The following COIL variants were observed in gnomAD, a reference collection of about 807,000 sequenced individuals.
COIL encodes the protein coilin p80.
Under a neutral mutation model 51.6 loss-of-function variants are expected in COIL, and 28 were observed. The observed-to-expected ratio is 0.54, with a 90% CI of 0.40 to 0.74. The LOEUF (loss-of-function observed/expected upper bound fraction) is 0.74. Among genes scored for constraint, COIL ranks in the 30% least tolerant of loss-of-function variants. The probability of loss-of-function intolerance (pLI) is 0.00; values close to 1 mark genes in which losing one functional copy is unlikely to be tolerated. For missense variants in COIL, 667 were observed against 685.9 expected (o/e 0.97, Z 0.31); for synonymous variants, 233 against 255.8 (o/e 0.91, Z 0.85).
In COIL at chr17:56,942,067, C is replaced by T. The variant is rs1910159654; in HGVS notation, c.1615G>A (p.Val539Ile). 1.2e-6 allele frequency: 2 copies of T among 1,614,070 alleles called. No individual in the cohort carries two copies. The highest frequency in any genetic ancestry group is 2.2e-5 in the East Asian group (1 of 44,890). Residue 539 changes from valine to isoleucine, a missense_variant, in exon 6 of 7, where the codon GTA becomes ATA. Val to Ile is a conservative substitution (Grantham distance 29). Coordinates refer to ENST00000240316, the MANE Select transcript of COIL (RefSeq NM_004645.3). ...LVYHNENGAEVVEYAVTQESK... is the reference protein window; with the variant it reads ...LVYHNENGAEIVEYAVTQESK... ...TCCTGTGTCACAGCGTACTCCACTA[C>T]CTCGGCTCCATTTTCATTGTGATAA...
intron 5 of COIL, among the ~76,000 whole-genome samples, chr17:56,943,379 G>A (rs1234028537): frequency 6.6e-6 from 1 of 152,200 alleles, no homozygotes; most frequent in Non-Finnish European, 1.5e-5. Context: ...CACTGGCAGT[G>A]TCAACATTCC....
rs759947538 is a variant in COIL at position 56,960,961 on chromosome 17, G to T, written c.59C>A (p.Thr20Asn). The part of the protein sequence containing the change: ...RLQFDYPPPA[T>N]PHCTAFWLLV... ...AAGCCAGAAGGCCGTACAGTGCGGG[G>T]TAGCTGGCGGCGGGTAATCAAATTG... Residue 20 changes from threonine (T) to asparagine (N), a missense_variant, in exon 1 of 7, where the codon ACC (threonine) becomes AAC (asparagine). By Grantham distance (65) the Thr-to-Asn change is moderately conservative. Transcript: ENST00000240316. The T allele has an allele frequency of 8.1e-6, 13 of 1,614,078 alleles. No individual in the cohort carries two copies. Among genetic ancestry groups the T allele is most frequent in the Admixed American group, 1.7e-5 (1 of 60,016 alleles).
chr17:56,943,130 G>T (rs1910179316), intron 5 of COIL, among the ~76,000 whole-genome samples: 1 of 152,082 alleles, frequency 6.6e-6, no homozygotes, highest in South Asian at 2.1e-4. Context: ...TTGTGTTCTT[G>T]CCCTGTAACT....
intron 1 of COIL, among the ~76,000 whole-genome samples, chr17:56,955,058 A>C (rs1397009710): frequency 1.3e-5 from 2 of 152,220 alleles, no homozygotes; most frequent in East Asian, 3.9e-4. Flanking sequence ...GATTCCAAAA[A>C]ACAGATCCCC....
chr17:56,950,921 T>C lies in COIL; in HGVS notation c.321A>G (p.Arg107=). 1.9e-6 allele frequency: 3 copies of C among 1,613,624 alleles called. No homozygotes were observed. Among genetic ancestry groups the C allele is most frequent in the Non-Finnish European group, 2.5e-6 (3 of 1,180,008 alleles). The part of the protein sequence containing the change: ...ISNGDINLSL[R]KAKKRAFQLE... ...ACTGAAATGCCCGCTTCTTTGCTTTTCTAAGAGATAAATTAATGTCACCAT... is the reference window on the plus strand; with the variant it reads ...ACTGAAATGCCCGCTTCTTTGCTTTCCTAAGAGATAAATTAATGTCACCAT... The change falls in exon 2 of 7, where the codon AGA becomes AGG. Residue 107 remains arginine (R), a synonymous_variant. Coordinates refer to ENST00000240316, the MANE Select transcript of COIL (RefSeq NM_004645.3).
At position 56,939,004 on chromosome 17, in the gene COIL, A is replaced by G; in HGVS notation, c.*67T>C. On this transcript the variant is annotated 3_prime_UTR_variant, in exon 7 of 7. Transcript: ENST00000240316. ...TTCCAAATCCTCTTTAAAAAAAAAA[A>G]AAAGTTTGGGTTATAGTCACTTTCA... 4.4e-6 allele frequency: 4 copies of G among 903,000 alleles called. No individual in the cohort carries two copies. In the South Asian group the frequency reaches 4.7e-5, roughly 11 times the overall value. The allele number at this position is 903,000 out of a possible 1,614,324, so 55.9% of individuals were successfully genotyped here.
At chr17:56,957,809 G>A (rs553101404) in intron 1 of COIL, among the ~76,000 whole-genome samples, 1 of 152,252 alleles carries the variant, frequency 6.6e-6, no homozygotes, top group Admixed American at 6.5e-5. Context: ...CAAGCCAATA[G>A]AAGCACCTCC....
rs1183967430 is a variant in COIL, at chr17:56,955,191, A to T, written c.246-4195T>A. ...GCGATTCTCCTGCCTCAGCCTCCCA[A>T]GTAGCTGGGATTCCAGGTGCCTGCC... is the stretch of plus-strand genomic sequence containing the variant. On this transcript the variant is annotated intron_variant, in intron 1 of 6. Coordinates refer to ENST00000240316, the MANE Select transcript of COIL (RefSeq NM_004645.3). Among the ~76,000 whole-genome samples the T allele has an allele frequency of 2.6e-5, 4 of 152,216 alleles. No homozygotes were observed. In the East Asian group the frequency reaches 7.7e-4, roughly 29 times the overall value.
At chr17:56,960,154 G>T (rs1242405936) in intron 1 of COIL, among the ~76,000 whole-genome samples, 1 of 151,906 alleles carries the variant, frequency 6.6e-6, no homozygotes, top group Non-Finnish European at 1.5e-5. Flanking sequence ...AACCCGGGAG[G>T]TGGAGGCTGC....
At chr17:56,951,609 C>A (rs1910371602) in intron 1 of COIL, 1 of 152,644 alleles carries the variant, frequency 6.6e-6, no homozygotes, top group Non-Finnish European at 1.5e-5. Context: ...TTTGTCCGGG[C>A]TATTGGACGT....
chr17:56,953,377 C>T (rs568977156), intron 1 of COIL, among the ~76,000 whole-genome samples: 30 of 144,068 alleles, frequency 2.1e-4, no homozygotes, highest in Non-Finnish European at 4.5e-4. Flanking sequence ...CACCACTGTA[C>T]TCCAGCCTGG....
intron 5 of COIL, among the ~76,000 whole-genome samples, chr17:56,945,690 C>T (rs1490444014): frequency 6.6e-6 from 1 of 152,058 alleles, no homozygotes; most frequent in Non-Finnish European, 1.5e-5. Flanking sequence ...GTATTGTCTG[C>T]AATTTCCACA....
intron 6 of COIL, among the ~76,000 whole-genome samples, chr17:56,941,756 T>C (rs183722162): frequency 3.5e-4 from 54 of 152,340 alleles, no homozygotes; most frequent in African/African-American, 1.2e-3. Context: ...TGTATGCCAA[T>C]AAAGTTTCTA....
chr17:56,938,913 T>C lies in COIL; in HGVS notation c.*158A>G, dbSNP rs1910092536. On this transcript the variant is annotated 3_prime_UTR_variant, in exon 7 of 7. Coordinates refer to ENST00000240316, the MANE Select transcript of COIL (RefSeq NM_004645.3). ...ATCTACAAAACCGACACCCATGTCATTTTAAATGATGAGGTAGATTGTTTC... is the reference window on the plus strand; with the variant it reads ...ATCTACAAAACCGACACCCATGTCACTTTAAATGATGAGGTAGATTGTTTC... 4 of 476,116 alleles carry C rather than the reference T, an allele frequency of 8.4e-6. No individual in the cohort carries two copies. Among genetic ancestry groups the C allele is most frequent in the Non-Finnish European group, 1.5e-5 (4 of 269,318 alleles). The allele number at this position is 476,116 out of a possible 1,614,324, so 29.5% of individuals were successfully genotyped here.
Position 56,950,356 on chromosome 17 carries a change from T to C in COIL, c.886A>G (p.Ile296Val), listed in dbSNP as rs751059809. The C allele has an allele frequency of 3.1e-6, 5 of 1,614,134 alleles. No individual in the cohort carries two copies. The highest frequency in any genetic ancestry group is 3.3e-5 in the Admixed American group (2 of 60,012). ...TKNTTADKLA[I>V]KLGFSLTPSK... ...GGGGTAAGGCTAAAGCCAAGTTTTA[T>C]AGCCAGTTTGTCTGCAGTTGTATTT... Residue 296 changes from isoleucine (I) to valine (V), a missense_variant, in exon 2 of 7, where the codon ATA (isoleucine) becomes GTA (valine). Ile to Val is a conservative substitution (Grantham distance 29). Coordinates refer to ENST00000240316, the MANE Select transcript of COIL (RefSeq NM_004645.3).
In COIL at chr17:56,950,334, GT is replaced by G; in HGVS notation, c.907del (p.Thr303ProfsTer26). On this transcript the variant is annotated frameshift_variant, in exon 2 of 7. Coordinates refer to ENST00000240316, the MANE Select transcript of COIL (RefSeq NM_004645.3). LOFTEE classifies it high-confidence loss of function. Reference sequence around the variant, plus strand: ...TCCAGAGGTCTTGCCCTTGCTGGGGGTAAGGCTAAAGCCAAGTTTTATAGCC... The same window carrying G: ...TCCAGAGGTCTTGCCCTTGCTGGGGGAAGGCTAAAGCCAAGTTTTATAGCC... ...KLAIKLGFSL[T>X]PSKGKTSGTT... 1.2e-6 allele frequency: 2 copies of G among 1,614,222 alleles called. No individual in the cohort carries two copies. The highest frequency in any genetic ancestry group is 1.7e-6 in the Non-Finnish European group (2 of 1,180,046).
At chr17:56,941,213 AG>A (rs1908902111) in intron 6 of COIL, 2 of 151,598 alleles carry the variant, frequency 1.3e-5, no homozygotes. Flanking sequence ...AGAAAGTCAG[AG>A]GATGAGATCA....
In COIL at chr17:56,938,237, T is replaced by G. The variant is rs1196313564; in HGVS notation, c.*834A>C. ...GATTTTATTTAAAAATGTGTACAGC[T>G]GAAGGAGGGATCTGATCTTTTGTTA... On this transcript the variant is annotated 3_prime_UTR_variant, in exon 7 of 7. Coordinates refer to ENST00000240316, the MANE Select transcript of COIL (RefSeq NM_004645.3). 6.6e-6 allele frequency: 1 copy of G among 152,246 alleles called. No individual in the cohort carries two copies. The highest frequency in any genetic ancestry group is 1.5e-5 in the Non-Finnish European group (1 of 68,040). 9.4% of individuals were successfully genotyped at this position (152,246 alleles called of 1,614,324 possible).
chr17:56,955,645 A>C (rs1485473692), intron 1 of COIL, among the ~76,000 whole-genome samples: 1 of 152,156 alleles, frequency 6.6e-6, no homozygotes, highest in Non-Finnish European at 1.5e-5. Flanking sequence ...TACAGTACTC[A>C]GTGACTTATT....
Sources: allele counts gnomAD v4.1 joint callset (sites outside exome capture counted in the v4.1 genomes callset), GRCh38; gene constraint gnomAD v4.1.1; transcripts MANE v1.5; gene names NCBI Gene and HGNC (gene_info 2026-07-23, HGNC 2026-07-21).